The following NECTIN3 variants were observed in gnomAD, a reference collection of about 807,000 sequenced individuals.
NECTIN3 encodes nectin cell adhesion molecule 3.
NECTIN3 carries 8 observed loss-of-function variants against 49.4 expected under a neutral mutation model. That is an observed-to-expected ratio of 0.16 (90% confidence interval 0.10 to 0.29). NECTIN3 has a LOEUF of 0.29. Among genes scored for constraint, NECTIN3 ranks in the 10% least tolerant of loss-of-function variants. The pLI, the probability that NECTIN3 is intolerant of heterozygous loss-of-function variation, is 1.00. For missense variants in NECTIN3, 581 were observed against 654.6 expected, an observed-to-expected ratio of 0.89 and a Z score of 1.23; for synonymous variants, 277 against 241.1, an observed-to-expected ratio of 1.15 and a Z score of -1.38.
chr3:111,099,450 A>G (rs1477847), intron 1 of NECTIN3, among the ~76,000 whole-genome samples: 107,509 of 152,098 alleles, frequency 0.71, 43,671 homozygotes, highest in Non-Finnish European at 0.93. Flanking sequence ...ATTGCCTTGT[A>G]TGTCTTATTT....
chr3:111,143,019 A>T (rs544299415), intron 5 of NECTIN3, among the ~76,000 whole-genome samples: 71 of 151,962 alleles, frequency 4.7e-4, no homozygotes, highest in South Asian at 2.1e-3. Context: ...CAAATTGCAT[A>T]ACCTTAATAG....
chr3:111,130,050 G>T (rs1350319297), intron 5 of NECTIN3, among the ~76,000 whole-genome samples: 1 of 151,306 alleles, frequency 6.6e-6, no homozygotes, highest in South Asian at 2.1e-4. Flanking sequence ...CCGCCTCCCG[G>T]GTTCACGGCC....
intron 7 of NECTIN3, among the ~76,000 whole-genome samples, chr3:111,172,081 T>C (rs116168906): frequency 2.4e-3 from 361 of 152,330 alleles, no homozygotes; most frequent in African/African-American, 8.2e-3. Context: ...ATTTTAAGAC[T>C]TTTCTCCATG....
chr3:111,116,514 A>AAGTGTTGAGTTTTAGATTAGGGGTCTTTG (rs2033695225), intron 2 of NECTIN3, among the ~76,000 whole-genome samples: 1 of 152,062 alleles, frequency 6.6e-6, no homozygotes, highest in African/African-American at 2.4e-5. Flanking sequence ...CTAGACATAA[A>AAGTGTTGAGTTTTAGATTAGGGGTCTTTG]AGTGTTGAGT....
intron 7 of NECTIN3, among the ~76,000 whole-genome samples, chr3:111,167,614 A>C (rs1293505120): frequency 6.6e-6 from 1 of 152,210 alleles, no homozygotes. Context: ...GAAGATGGTG[A>C]AAATAATTCT....
intron 1 of NECTIN3, among the ~76,000 whole-genome samples, chr3:111,078,966 A>G (rs2031420490): frequency 6.6e-6 from 1 of 152,126 alleles, no homozygotes; most frequent in South Asian, 2.1e-4. Context: ...TGAAGTGGGT[A>G]AATTTAAGAT....
chr3:111,161,601 C>G (rs1228096038), intron 7 of NECTIN3, among the ~76,000 whole-genome samples: 1 of 152,166 alleles, frequency 6.6e-6, no homozygotes, highest in Non-Finnish European at 1.5e-5. Context: ...GCATTAGATT[C>G]TCATAGGAGC....
At chr3:111,187,282 A>T (rs1576188399) in intron 7 of NECTIN3, among the ~76,000 whole-genome samples, 1 of 152,192 alleles carries the variant, frequency 6.6e-6, no homozygotes, top group Admixed American at 6.5e-5. Context: ...GTGTGCCTGT[A>T]GTCCCAGCTA....
At chr3:111,139,993 A>C (rs2107503506), downstream of NECTIN3, among the ~76,000 whole-genome samples, 1 of 151,978 alleles carries the variant, frequency 6.6e-6, no homozygotes, top group African/African-American at 2.4e-5. Flanking sequence ...ACATGATTAA[A>C]TGTTCTTCAT....
chr3:111,072,391 C>T (rs1444571209), intron 1 of NECTIN3: 11 of 1,510,880 alleles, frequency 7.3e-6, no homozygotes, highest in Admixed American at 2.1e-5. Flanking sequence ...CCGCTGCCCT[C>T]CCCCGCGGCC....
At position 111,135,082 on chromosome 3, in the gene NECTIN3, A is replaced by C. The variant is rs2034531472; in HGVS notation, c.*867A>C. The stretch of plus-strand genomic sequence containing the variant: ...AATAGAAATGAAAAGACGCAGAGAG[A>C]GCATTTCGGAATACTGAAGTACTAG... On this transcript the variant is annotated 3_prime_UTR_variant, in exon 6 of 6. Transcript: ENST00000485303. 1 of 977,096 alleles carries C rather than the reference A, an allele frequency of 1.0e-6. No homozygotes were observed. The highest frequency in any genetic ancestry group is 1.2e-6 in the Non-Finnish European group (1 of 822,758). The allele number at this position is 977,096 out of a possible 1,614,324, so 60.5% of individuals were successfully genotyped here. A position where few individuals can be genotyped will look rare whatever the true frequency, so the allele number is the denominator to read the frequency against.
At chr3:111,117,710 A>C (rs2033747829) in intron 2 of NECTIN3, among the ~76,000 whole-genome samples, 1 of 152,074 alleles carries the variant, frequency 6.6e-6, no homozygotes, top group Non-Finnish European at 1.5e-5. Flanking sequence ...TGAAAAAAAA[A>C]ATCATTGAAA....
chr3:111,101,100 T>G (rs2032879773), intron 1 of NECTIN3, among the ~76,000 whole-genome samples: 1 of 152,118 alleles, frequency 6.6e-6, no homozygotes, highest in South Asian at 2.1e-4. Context: ...CTCTATAAAA[T>G]GAGGTTATAT....
intron 1 of NECTIN3, among the ~76,000 whole-genome samples, chr3:111,097,022 C>G (rs1263543932): frequency 6.6e-6 from 1 of 152,194 alleles, no homozygotes. Context: ...CCACTGACAG[C>G]TTGCACTGTT....
chr3:111,136,592 A>G lies in NECTIN3; in HGVS notation c.*2377A>G, dbSNP rs1576152935. 2 of 928,010 alleles carry G rather than the reference A, an allele frequency of 2.2e-6. No individual in the cohort carries two copies. Among genetic ancestry groups the G allele is most frequent in the Admixed American group, 6.2e-5 (1 of 16,062 alleles). 57.5% of individuals were successfully genotyped at this position (928,010 alleles called of 1,614,324 possible). On this transcript the variant is annotated 3_prime_UTR_variant, in exon 6 of 6. Transcript: ENST00000485303. ...GTTTGAAAACATGAATAGTCATTAA[A>G]TAAAGACATTGTTAAATTAGTTTTT...
intron 7 of NECTIN3, among the ~76,000 whole-genome samples, chr3:111,168,251 T>C (rs893699420): frequency 1.1e-4 from 16 of 152,100 alleles, no homozygotes; most frequent in Admixed American, 8.5e-4. Context: ...TGCGAAGGCT[T>C]TGCAAAGAGA....
At chr3:111,108,738 G>A (rs1160441801) in intron 1 of NECTIN3, among the ~76,000 whole-genome samples, 1 of 152,104 alleles carries the variant, frequency 6.6e-6, no homozygotes, top group African/African-American at 2.4e-5. Context: ...GCAAAAGAAA[G>A]CGGGGAAGTG....
At chr3:111,155,539 G>A (rs1183660484) in intron 7 of NECTIN3, among the ~76,000 whole-genome samples, 1 of 152,162 alleles carries the variant, frequency 6.6e-6, no homozygotes, top group Non-Finnish European at 1.5e-5. Flanking sequence ...AAAAAGTCTG[G>A]ACAGAGAGCT....
Position 111,133,980 on chromosome 3 carries a change from A to C in NECTIN3, c.1415A>C (p.Lys472Thr). 6.2e-7 allele frequency: 1 copy of C among 1,613,296 alleles called. No homozygotes were observed. Among genetic ancestry groups the C allele is most frequent in the Non-Finnish European group, 8.5e-7 (1 of 1,179,704 alleles). Residue 472 changes from lysine (K) to threonine (T), a missense_variant, in exon 6 of 6, where the codon AAA becomes ACA. Coordinates refer to ENST00000485303, the MANE Select transcript of NECTIN3 (RefSeq NM_015480.3). ...GATTCTTACCCAGACAGTGTAAAAA[A>C]AGAAAACAAAAATCCAGTGAACAAT... The part of the protein sequence containing the change: ...ELDSYPDSVK[K>T]ENKNPVNNLI...
Sources: gnomAD v4.1 joint callset for allele counts (sites outside exome capture counted in the v4.1 genomes callset) on GRCh38, gnomAD v4.1.1 for gene constraint, MANE v1.5 for transcripts, NCBI Gene and HGNC (gene_info 2026-07-23, HGNC 2026-07-21) for gene names.